ENPEP: variants seen among roughly 807,000 people sequenced by gnomAD.
The protein encoded by ENPEP is AP-A.
A neutral mutation model predicts 114.5 loss-of-function variants in ENPEP; 103 were observed. The ratio of observed to expected loss-of-function variants is 0.90; its 90% CI spans 0.77 to 1.06. The LOEUF (loss-of-function observed/expected upper bound fraction) is 1.06. Among genes scored for constraint, ENPEP ranks in the 50% least tolerant of loss-of-function variants. The pLI, the probability that ENPEP is intolerant of heterozygous loss-of-function variation, is 0.00. For missense variants in ENPEP, 1,196 were observed against 1,161.3 expected (o/e 1.03, Z -0.43); for synonymous variants, 420 against 422.0 (o/e 1.00, Z 0.06).
At chr4:110,493,780 T>C (rs1724815144) in intron 3 of ENPEP, among the ~76,000 whole-genome samples, 1 of 152,152 alleles carries the variant, frequency 6.6e-6, no homozygotes, top group Non-Finnish European at 1.5e-5. Context: ...TGGTATGATT[T>C]CCCACTCCAG....
At chr4:110,482,326 A>G (rs1327960623) in intron 1 of ENPEP, among the ~76,000 whole-genome samples, 3 of 152,218 alleles carry the variant, frequency 2.0e-5, no homozygotes, top group Non-Finnish European at 4.4e-5. Flanking sequence ...TTATGGGTCT[A>G]GGATACCCCA....
rs1424829620 is a variant in ENPEP, at chr4:110,503,125, A to T, written c.919-3512A>T. 2.6e-5 allele frequency among the ~76,000 whole-genome samples: 4 copies of T among 152,052 alleles called. No homozygotes were observed. In the East Asian group the frequency reaches 7.7e-4, roughly 29 times the overall value. ...TGTGTCCAAGTGTTCTCATTGTTCA[A>T]TTCCCACCTATGAGTGAGAATATGC... On this transcript the variant is annotated intron_variant, in intron 3 of 19. Transcript: ENST00000265162.
At chr4:110,530,225 G>C (rs967379589) in intron 10 of ENPEP, among the ~76,000 whole-genome samples, 2 of 152,142 alleles carry the variant, frequency 1.3e-5, no homozygotes, top group African/African-American at 2.4e-5. Flanking sequence ...CTCCAAAGGA[G>C]CTGATTTTAA....
At chr4:110,537,724 G>C (rs767732442) in intron 11 of ENPEP, among the ~76,000 whole-genome samples, 2 of 152,124 alleles carry the variant, frequency 1.3e-5, no homozygotes, top group Non-Finnish European at 2.9e-5. Context: ...TCCATCAAAG[G>C]AATCATTATC....
Position 110,477,040 on chromosome 4 carries a change from C to T in ENPEP, c.626C>T (p.Thr209Met), listed in dbSNP as rs148088746. The stretch of plus-strand genomic sequence containing the variant: ...GTGGGATTTTATAGAACCACCTACA[C>T]GGAGAACGGACAAGTCAAGTAAATA... ...SLVGFYRTTY[T>M]ENGQVKSIVA... Residue 209 changes from threonine (T) to methionine (M), a missense_variant, in exon 1 of 20, where the codon ACG becomes ATG. By Grantham distance (81) the Thr-to-Met change is moderately conservative. Transcript: ENST00000265162. 1.2e-5 allele frequency: 19 copies of T among 1,613,744 alleles called. No individual in the cohort carries two copies. The African/African-American group carries it at 1.2e-4, about 10-fold the overall frequency.
Position 110,508,696 on chromosome 4 carries a change from A to G in ENPEP, c.1040-957A>G, listed in dbSNP as rs887711460. On this transcript the variant is annotated intron_variant, in intron 4 of 19. Coordinates refer to ENST00000265162, the MANE Select transcript of ENPEP (RefSeq NM_001977.4). Reference sequence around the variant, plus strand: ...CGCGGTGGCGGGCGCCTGTAGTCCCAGCTACTCAGGAGGCCGAGGCTGGAG... The same window carrying G: ...CGCGGTGGCGGGCGCCTGTAGTCCCGGCTACTCAGGAGGCCGAGGCTGGAG... 2.2e-4 allele frequency among the ~76,000 whole-genome samples: 33 copies of G among 152,166 alleles called. 1 individual carries two copies. The highest frequency in any genetic ancestry group is 1.3e-4 in the Admixed American group (2 of 15,282).
In ENPEP at chr4:110,543,074, C is replaced by A. The variant is rs774371849; in HGVS notation, c.2000+4C>A. 1 of 1,611,392 alleles carries A rather than the reference C, an allele frequency of 6.2e-7. No homozygotes were observed. Among genetic ancestry groups the A allele is most frequent in the Non-Finnish European group, 8.5e-7 (1 of 1,177,968 alleles). On this transcript the variant is annotated splice_donor_region_variant and intron_variant, in intron 13 of 19. Transcript: ENST00000265162. ...ATGATGCTTTTGCCTTGGCAAGGTG[C>A]GTTTTAGAATGAGACTAAATTACTT...
chr4:110,484,916 C>CACAT (rs986906937), intron 1 of ENPEP, among the ~76,000 whole-genome samples: 2 of 123,618 alleles, frequency 1.6e-5, no homozygotes, highest in East Asian at 2.9e-4. Flanking sequence ...GTGTGGTGCG[C>CACAT]GCATGCACGC....
chr4:110,478,028 T>C (rs1724179885), intron 1 of ENPEP, among the ~76,000 whole-genome samples: 1 of 152,182 alleles, frequency 6.6e-6, no homozygotes, highest in Non-Finnish European at 1.5e-5. Flanking sequence ...GCTTTGACCT[T>C]TGCTGGCTTA....
At chr4:110,491,196 C>T (rs372175284) in intron 3 of ENPEP, 32 bp downstream of exon 3, 2 of 1,552,450 alleles carry the variant, frequency 1.3e-6, no homozygotes, top group Non-Finnish European at 1.7e-6. Flanking sequence ...AAATTTACCA[C>T]CTATGCATTT....
intron 11 of ENPEP, among the ~76,000 whole-genome samples, chr4:110,540,304 C>T (rs1726803287): frequency 6.6e-6 from 1 of 152,088 alleles, no homozygotes; most frequent in Admixed American, 6.6e-5. Flanking sequence ...TACACACACA[C>T]ACACAACAGG....
intron 2 of ENPEP, among the ~76,000 whole-genome samples, chr4:110,489,645 G>A (rs1222303539): frequency 2.0e-5 from 3 of 152,076 alleles, no homozygotes; most frequent in Non-Finnish European, 4.4e-5. Context: ...TAAATTATTT[G>A]TTAACATAAA....
At chr4:110,510,417 G>A (rs1441718041) in intron 6 of ENPEP, 59 bp downstream of exon 6, 46 of 1,379,210 alleles carry the variant, frequency 3.3e-5, no homozygotes, top group Non-Finnish European at 3.7e-5. Context: ...GCAGATGGAA[G>A]CCTTTGGACT....
At position 110,561,425 on chromosome 4, in the gene ENPEP, AAT is replaced by A. The variant is rs769612222; in HGVS notation, c.2744_2745del (p.Tyr915SerfsTer10). 1.1e-5 allele frequency: 17 copies of A among 1,613,412 alleles called. No individual in the cohort carries two copies. The highest frequency in any genetic ancestry group is 1.4e-5 in the Non-Finnish European group (17 of 1,179,860). ...TTCTAGATGGAGAGCTTTTTTGCAA[AAT>A]ATCCACAAGCTGGAGCAGGAGAAAA... On this transcript the variant is annotated frameshift_variant, in exon 20 of 20. Transcript: ENST00000265162. LOFTEE classifies it low-confidence loss of function (END_TRUNC).
intron 2 of ENPEP, among the ~76,000 whole-genome samples, chr4:110,489,414 G>C (rs1035849775): frequency 3.9e-5 from 6 of 152,098 alleles, no homozygotes; most frequent in African/African-American, 7.2e-5. Context: ...GTCAAGGGGT[G>C]GGGGGCTAGG....
intron 10 of ENPEP, among the ~76,000 whole-genome samples, chr4:110,520,890 C>T (rs563132321): frequency 5.3e-5 from 8 of 152,260 alleles, no homozygotes; most frequent in African/African-American, 1.9e-4. Flanking sequence ...ACTTTCTCTC[C>T]GCCACCTACC....
Position 110,559,655 on chromosome 4 carries a change from T to C in ENPEP, c.2651T>C (p.Leu884Pro), listed in dbSNP as rs772277816. ...TCTAAATTTCTCTCCAGATATACAC[T>C]CAATAACAGAAACCTTGGCCGAATT... ...NWDYLVNRYTLNNRNLGRIVT... is the reference protein window; with the variant it reads ...NWDYLVNRYTPNNRNLGRIVT... The change falls in exon 19 of 20, where the codon CTC becomes CCC. Residue 884 changes from leucine (L) to proline (P), a missense_variant. Leu to Pro is a moderately conservative substitution (Grantham distance 98). Transcript: ENST00000265162. 6.2e-7 allele frequency: 1 copy of C among 1,612,428 alleles called. No individual in the cohort carries two copies. The highest frequency in any genetic ancestry group is 1.1e-5 in the South Asian group (1 of 91,030).
intron 7 of ENPEP, 65 bp downstream of exon 7, chr4:110,513,614 C>T (rs1324937048): frequency 6.3e-7 from 1 of 1,581,760 alleles, no homozygotes; most frequent in Admixed American, 1.7e-5. Flanking sequence ...TAGTGGATAC[C>T]TAAAAATGGT....
intron 11 of ENPEP, among the ~76,000 whole-genome samples, chr4:110,542,114 A>G (rs1180288184): frequency 1.3e-5 from 2 of 152,140 alleles, no homozygotes; most frequent in Non-Finnish European, 2.9e-5. Context: ...TACAAAGATA[A>G]ATAAATTGGA....
Sources: allele counts gnomAD v4.1 joint callset (sites outside exome capture counted in the v4.1 genomes callset), GRCh38; gene constraint gnomAD v4.1.1; transcripts MANE v1.5; gene names NCBI Gene and HGNC (gene_info 2026-07-23, HGNC 2026-07-21).